Variants in OTOGL observed in about 807,000 individuals in gnomAD.
OTOGL encodes the protein otogelin-like protein.
A neutral mutation model predicts 318.5 loss-of-function variants in OTOGL; 285 were observed. That is an observed-to-expected ratio of 0.89 (90% CI 0.81 to 0.99). OTOGL has a LOEUF of 0.99. Ranked by LOEUF, OTOGL falls within the 50% of genes least tolerant of loss-of-function variation. The pLI is 0.00. For missense variants in OTOGL, 2,899 were observed against 2,845.6 expected (o/e 1.02, Z -0.43); for synonymous variants, 987 against 936.5 (o/e 1.05, Z -0.99).
At position 80,255,860 on chromosome 12, in the gene OTOGL, TC is replaced by T. The variant is rs541656055; in HGVS notation, c.1588-475del. ...TCTGAACTGCTTTATTTGTTTTTTT[TC>T]CAGTTTTATTTTTTCTATGTAATAT... On this transcript the variant is annotated intron_variant, in intron 16 of 58. Coordinates refer to ENST00000547103, the MANE Select transcript of OTOGL (RefSeq NM_001378609.3). 2.8e-4 allele frequency among the ~76,000 whole-genome samples: 42 copies of T among 151,928 alleles called. No homozygotes were observed. In the East Asian group the frequency reaches 6.0e-3, roughly 22 times the overall value.
intron 37 of OTOGL, among the ~76,000 whole-genome samples, 178 bp downstream of exon 37, chr12:80,329,297 A>T (rs1317054082): frequency 3.3e-5 from 5 of 152,170 alleles, no homozygotes; most frequent in Non-Finnish European, 7.3e-5. Context: ...CATGTTTTCT[A>T]GAACTTCTGG....
At chr12:80,327,400 C>T (rs1423146315) in intron 35 of OTOGL, among the ~76,000 whole-genome samples, 1 of 152,108 alleles carries the variant, frequency 6.6e-6, no homozygotes, top group Non-Finnish European at 1.5e-5. Flanking sequence ...CAACCATGTC[C>T]TTCCAGGGCA....
intron 44 of OTOGL, among the ~76,000 whole-genome samples, chr12:80,342,467 T>C (rs149969163): frequency 1.3e-4 from 20 of 152,338 alleles, no homozygotes; most frequent in African/African-American, 4.8e-4. Flanking sequence ...GATAACCCAG[T>C]ATTAAGACCA....
At chr12:80,210,109 C>T (rs1184962913) in intron 2 of OTOGL, among the ~76,000 whole-genome samples, 1 of 152,018 alleles carries the variant, frequency 6.6e-6, no homozygotes, top group Middle Eastern at 3.2e-3. Context: ...TATAAACACA[C>T]ACAAAATTAA....
intron 26 of OTOGL, among the ~76,000 whole-genome samples, chr12:80,294,824 C>A (rs915552951): frequency 5.9e-5 from 9 of 152,156 alleles, no homozygotes; most frequent in Non-Finnish European, 1.2e-4. Context: ...AGGTGGCTTA[C>A]ACCTCTAATC....
intron 52 of OTOGL, among the ~76,000 whole-genome samples, chr12:80,360,760 G>C (rs1890194834): frequency 6.6e-6 from 1 of 152,008 alleles, no homozygotes. Context: ...GATTACAGGT[G>C]TGAGCCACCG....
At chr12:80,297,748 G>A (rs11114389) in intron 27 of OTOGL, among the ~76,000 whole-genome samples, 3 of 152,160 alleles carry the variant, frequency 2.0e-5, no homozygotes, top group Middle Eastern at 3.4e-3. Flanking sequence ...ACCCACCTCT[G>A]CTGCCTGCTC....
In OTOGL at chr12:80,339,227, C is replaced by G; in HGVS notation, c.5013C>G (p.Phe1671Leu). 2 of 1,607,492 alleles carry G rather than the reference C, an allele frequency of 1.2e-6. No individual in the cohort carries two copies. Among genetic ancestry groups the G allele is most frequent in the African/African-American group, 1.3e-5 (1 of 74,518 alleles). Residue 1671 changes from phenylalanine to leucine, a missense_variant, in exon 43 of 59, where the codon TTC (phenylalanine) becomes TTG (leucine). This residue lies in a region of OTOGL where 2,607 missense variants were observed against 2,524.9 expected (regional missense o/e 1.03). Coordinates refer to ENST00000547103, the MANE Select transcript of OTOGL (RefSeq NM_001378609.3). ...LTGIIDIHFG[F>L]RFNLSSYTEG... ...GAATCATAGACATTCATTTTGGCTT[C>G]CGATTTAACTTGTCATCCTACACAG...
At chr12:80,281,190 T>A (rs1487360849) in intron 26 of OTOGL, among the ~76,000 whole-genome samples, 3 of 151,894 alleles carry the variant, frequency 2.0e-5, no homozygotes, top group Non-Finnish European at 4.4e-5. Flanking sequence ...TTTTATTTAT[T>A]TCTTTTGCCT....
At position 80,375,134 on chromosome 12, in the gene OTOGL, T is replaced by C. The variant is rs146386523; in HGVS notation, c.6782-1989T>C. The stretch of plus-strand genomic sequence containing the variant: ...TTCTGCTGGCATATTAGAAAACCCT[T>C]TCCTGCCGCCTTTGCTTTCTGAAGA... On this transcript the variant is annotated intron_variant, in intron 57 of 58. Coordinates refer to ENST00000547103, the MANE Select transcript of OTOGL (RefSeq NM_001378609.3). Among the ~76,000 whole-genome samples, 263 of 152,288 alleles carry C rather than the reference T, an allele frequency of 1.7e-3. 1 individual carries two copies. The highest frequency in any genetic ancestry group is 6.8e-3 in the Middle Eastern group (2 of 294).
intron 11 of OTOGL, among the ~76,000 whole-genome samples, chr12:80,250,024 C>T (rs11114370): frequency 0.043 from 6,534 of 151,236 alleles, 468 homozygotes; most frequent in African/African-American, 0.15. Context: ...TGCTTCGGCT[C>T]GCGCACGGTG....
At chr12:80,250,268 C>T (rs1157651137) in intron 11 of OTOGL, among the ~76,000 whole-genome samples, 2 of 152,034 alleles carry the variant, frequency 1.3e-5, no homozygotes, top group African/African-American at 2.4e-5. Flanking sequence ...ACTTATTTTC[C>T]CCTTAGTAAA....
intron 21 of OTOGL, 30 bp from the exon 22 acceptor site, chr12:80,267,223 T>C: frequency 7.1e-7 from 1 of 1,406,664 alleles, no homozygotes; most frequent in Non-Finnish European, 9.7e-7. Flanking sequence ...AAAAATTGTA[T>C]CCTATTTACT....
At chr12:80,317,437 G>C (rs1227137278) in intron 32 of OTOGL, among the ~76,000 whole-genome samples, 1 of 152,060 alleles carries the variant, frequency 6.6e-6, no homozygotes, top group Non-Finnish European at 1.5e-5. Context: ...TGTCTCTTCA[G>C]GTTGCTGTAT....
intron 56 of OTOGL, among the ~76,000 whole-genome samples, chr12:80,371,603 A>G (rs1480516980): frequency 6.6e-6 from 1 of 152,158 alleles, no homozygotes; most frequent in East Asian, 1.9e-4. Context: ...AAACTATCAA[A>G]GAAAAAGATG....
chr12:80,126,823 T>C (rs1341619401), intron 1 of OTOGL, among the ~76,000 whole-genome samples: 2 of 152,206 alleles, frequency 1.3e-5, no homozygotes, highest in Admixed American at 6.5e-5. Flanking sequence ...TTGATCTTTG[T>C]TGGTTTAAAG....
chr12:80,378,811 G>C lies in OTOGL; in HGVS notation c.*763G>C, dbSNP rs1307918760. 1.3e-5 allele frequency: 2 copies of C among 151,908 alleles called. No homozygotes were observed. The highest frequency in any genetic ancestry group is 4.8e-5 in the African/African-American group (2 of 41,400). The allele number at this position is 151,908 out of a possible 1,614,324, so 9.4% of individuals were successfully genotyped here. ...TAAGTATTTTAAGTTTAACATATTT[G>C]AAAAATGCCCCCCATACATTGTTAT... is the stretch of plus-strand genomic sequence containing the variant. On this transcript the variant is annotated 3_prime_UTR_variant, in exon 59 of 59. Transcript: ENST00000547103.
At chr12:80,251,636 G>A in intron 11 of OTOGL, 57 bp from the exon 12 acceptor site, 1 of 1,371,386 alleles carries the variant, frequency 7.3e-7, no homozygotes, top group Non-Finnish European at 1.0e-6. Flanking sequence ...GACCTCAATG[G>A]TATGGTTTCT....
chr12:80,238,720 T>C, intron 9 of OTOGL, 131 bp from the exon 10 acceptor site: 1 of 1,118,554 alleles, frequency 8.9e-7, no homozygotes, highest in Non-Finnish European at 1.1e-6. Flanking sequence ...TAATATCACA[T>C]TGGTAATTAT....
Sources: gnomAD v4.1 joint callset for allele counts (sites outside exome capture counted in the v4.1 genomes callset) on GRCh38, gnomAD v4.1.1 for gene constraint, gnomAD v4.1.1 regional missense constraint, MANE v1.5 for transcripts, NCBI Gene and HGNC (gene_info 2026-07-23, HGNC 2026-07-21) for gene names.